The following ARHGAP26 variants were observed in gnomAD, a reference collection of about 807,000 sequenced individuals.
ARHGAP26 encodes the protein rho GTPase-activating protein 26.
Under a neutral mutation model 104.8 loss-of-function variants are expected in ARHGAP26, and 38 were observed. That is an observed-to-expected ratio of 0.36 (90% CI 0.28 to 0.48). ARHGAP26 has a LOEUF of 0.48. Ranked by LOEUF, ARHGAP26 falls within the 20% of genes least tolerant of loss-of-function variation. The pLI, the probability that ARHGAP26 is intolerant of heterozygous loss-of-function variation, is 0.99. For synonymous variants in ARHGAP26, 341 were observed against 340.0 expected (o/e 1.00, Z -0.03); for missense variants, 704 against 947.9 (o/e 0.74, Z 3.38).
At chr5:143,123,418 C>A (rs1172576817) in intron 18 of ARHGAP26, among the ~76,000 whole-genome samples, 1 of 152,232 alleles carries the variant, frequency 6.6e-6, no homozygotes, top group Non-Finnish European at 1.5e-5. Flanking sequence ...TTCTAAGCAT[C>A]CGTGGCTGTG....
chr5:142,963,568 C>T (rs916273677), intron 11 of ARHGAP26, among the ~76,000 whole-genome samples: 4 of 152,004 alleles, frequency 2.6e-5, no homozygotes, highest in South Asian at 4.1e-4. Context: ...ATCTAAACAC[C>T]GTACTTACAA....
chr5:143,053,521 A>G (rs1785333713), intron 14 of ARHGAP26, among the ~76,000 whole-genome samples: 1 of 152,184 alleles, frequency 6.6e-6, no homozygotes, highest in African/African-American at 2.4e-5. Context: ...TGAAGCAATT[A>G]CACTCCCCAA....
intron 14 of ARHGAP26, among the ~76,000 whole-genome samples, chr5:143,046,645 T>A (rs989138803): frequency 6.6e-6 from 1 of 151,624 alleles, no homozygotes; most frequent in Non-Finnish European, 1.5e-5. Context: ...GTCTGGGGGT[T>A]TTCCCCCCTG....
At chr5:143,222,271 A>T in intron 22 of ARHGAP26, 87 bp from the exon 23 acceptor site, 1 of 711,092 alleles carries the variant, frequency 1.4e-6, no homozygotes, top group Non-Finnish European at 2.2e-6. Flanking sequence ...ACACACACAC[A>T]CACACACACA....
chr5:142,860,421 T>C (rs1468512917), intron 1 of ARHGAP26: 1 of 152,216 alleles, frequency 6.6e-6, no homozygotes, highest in Admixed American at 6.5e-5. Flanking sequence ...AGAGCCTGTA[T>C]TGGCAGCTCC....
intron 11 of ARHGAP26, among the ~76,000 whole-genome samples, chr5:142,994,069 G>A (rs1392904598): frequency 6.6e-6 from 1 of 152,214 alleles, no homozygotes; most frequent in African/African-American, 2.4e-5. Context: ...CTATGTGCAA[G>A]GCCCTCTGGT....
intron 22 of ARHGAP26, among the ~76,000 whole-genome samples, chr5:143,215,827 G>A (rs1448053039): frequency 1.3e-5 from 2 of 152,186 alleles, no homozygotes; most frequent in Non-Finnish European, 2.9e-5. Flanking sequence ...GCGATGGTAT[G>A]GATATAGCAC....
chr5:142,911,319 C>T (rs1306397463), intron 9 of ARHGAP26, among the ~76,000 whole-genome samples: 1 of 152,212 alleles, frequency 6.6e-6, no homozygotes, highest in Non-Finnish European at 1.5e-5. Flanking sequence ...TTCCCTCACT[C>T]TGGGCTTCTA....
At chr5:142,931,949 A>G in intron 10 of ARHGAP26, 98 bp from the exon 11 acceptor site, 1 of 1,114,086 alleles carries the variant, frequency 9.0e-7, no homozygotes, top group Non-Finnish European at 1.4e-6. Flanking sequence ...TAACCTTAGC[A>G]GCCACTGACT....
intron 20 of ARHGAP26, among the ~76,000 whole-genome samples, chr5:143,173,717 C>A (rs1173922847): frequency 6.6e-6 from 1 of 152,082 alleles, no homozygotes; most frequent in African/African-American, 2.4e-5. Context: ...CATTTGGGAG[C>A]TTTTTTGTCC....
intron 20 of ARHGAP26, among the ~76,000 whole-genome samples, chr5:143,204,883 C>A (rs538743705): frequency 1.3e-5 from 2 of 151,926 alleles, no homozygotes; most frequent in Admixed American, 6.6e-5. Context: ...TGGTACAAGC[C>A]CCTGGGTCTG....
intron 6 of ARHGAP26, among the ~76,000 whole-genome samples, chr5:142,901,436 C>T (rs1293988220): frequency 2.0e-5 from 3 of 152,202 alleles, no homozygotes; most frequent in Admixed American, 6.5e-5. Flanking sequence ...TTTGATTTGA[C>T]TTTGCCTGTT....
At chr5:143,028,722 G>A (rs1186048738) in intron 12 of ARHGAP26, among the ~76,000 whole-genome samples, 2 of 152,182 alleles carry the variant, frequency 1.3e-5, no homozygotes, top group Non-Finnish European at 2.9e-5. Flanking sequence ...CCAGCCAGAG[G>A]TAGCTGAGGC....
chr5:143,025,266 G>T (rs1383260018), intron 12 of ARHGAP26, among the ~76,000 whole-genome samples: 1 of 152,206 alleles, frequency 6.6e-6, no homozygotes, highest in Non-Finnish European at 1.5e-5. Context: ...CAAGCAGTTT[G>T]TGGAGACACC....
chr5:142,880,391 C>T (rs1221045962), intron 4 of ARHGAP26, among the ~76,000 whole-genome samples: 3 of 152,060 alleles, frequency 2.0e-5, no homozygotes, highest in Non-Finnish European at 4.4e-5. Flanking sequence ...GTGGTGGGTG[C>T]CTGTAGTTCC....
At chr5:143,005,426 A>G (rs1777801584) in intron 11 of ARHGAP26, among the ~76,000 whole-genome samples, 1 of 152,250 alleles carries the variant, frequency 6.6e-6, no homozygotes, top group South Asian at 2.1e-4. Flanking sequence ...GCTTGGGCCA[A>G]TCATATGTGC....
At chr5:142,869,471 G>A (rs995646626) in intron 1 of ARHGAP26, among the ~76,000 whole-genome samples, 9 of 151,758 alleles carry the variant, frequency 5.9e-5, no homozygotes, top group African/African-American at 2.2e-4. Context: ...CACCCGCCTT[G>A]GCCTCCCGGA....
chr5:142,846,579 G>A (rs1376176749), intron 1 of ARHGAP26, among the ~76,000 whole-genome samples: 1 of 152,158 alleles, frequency 6.6e-6, no homozygotes, highest in Non-Finnish European at 1.5e-5. Context: ...GATGTGCTAT[G>A]TCATTCCTGC....
chr5:142,913,141 T>C lies in ARHGAP26; in HGVS notation c.934-58T>C. On this transcript the variant is annotated intron_variant, in intron 9 of 22. Transcript: ENST00000645722. ...TCCTGTTTACATGTCATGTATGTCC[T>C]GGGAGGAGTAGAGCTCCCATTCTGG... 3 of 1,393,954 alleles carry C rather than the reference T, an allele frequency of 2.2e-6. No individual in the cohort carries two copies. The Admixed American group carries it at 5.0e-5, about 23-fold the overall frequency. 86.3% of individuals were successfully genotyped at this position (1,393,954 alleles called of 1,614,324 possible). A position where few individuals can be genotyped will look rare whatever the true frequency, so the allele number is the denominator to read the frequency against.
Sources: gnomAD v4.1 joint callset for allele counts (sites outside exome capture counted in the v4.1 genomes callset) on GRCh38, gnomAD v4.1.1 for gene constraint, MANE v1.5 for transcripts, NCBI Gene and HGNC (gene_info 2026-07-23, HGNC 2026-07-21) for gene names.